The following BLOC1S3 variants were observed in gnomAD, a reference collection of about 807,000 sequenced individuals.
The protein encoded by BLOC1S3 is biogenesis of lysosome-related organelles complex 1 subunit 3.
BLOC1S3 carries 7 observed loss-of-function variants against 9.1 expected under a neutral mutation model. The ratio of observed to expected loss-of-function variants is 0.77; its 90% CI spans 0.44 to 1.45. The LOEUF is 1.45. Among genes scored for constraint, BLOC1S3 ranks in the 40% most tolerant of loss-of-function variants. The pLI is 0.01. For synonymous variants in BLOC1S3, 145 were observed against 158.4 expected, an observed-to-expected ratio of 0.92 and a Z score of 0.64; for missense variants, 307 against 315.2, an observed-to-expected ratio of 0.97 and a Z score of 0.20.
At chr19:45,203,251 C>T (rs1345614025) in intron 3 of BLOC1S3, among the ~76,000 whole-genome samples, 3 of 139,826 alleles carry the variant, frequency 2.1e-5, no homozygotes, top group Admixed American at 1.5e-4. Context: ...TGTGGCCTGA[C>T]TGCCTTTCAA....
At chr19:45,195,741 TG>T (rs762600811) in intron 2 of BLOC1S3, among the ~76,000 whole-genome samples, 59 of 152,026 alleles carry the variant, frequency 3.9e-4, no homozygotes, top group Non-Finnish European at 7.8e-4. Context: ...ACTATAGGTG[TG>T]CACCACCACG....
downstream of BLOC1S3, among the ~76,000 whole-genome samples, chr19:45,183,332 T>C (rs1969540767): frequency 1.3e-5 from 2 of 151,508 alleles, no homozygotes; most frequent in South Asian, 4.2e-4. Flanking sequence ...ATATAAAAAT[T>C]AGGCATGGTG....
chr19:45,207,555 CAAAAAAAAAAAAAAA>C (rs58164218), intron 3 of BLOC1S3, among the ~76,000 whole-genome samples: 6 of 64,748 alleles, frequency 9.3e-5, no homozygotes, highest in Non-Finnish European at 1.8e-4. Flanking sequence ...GACTCTGTCT[CAAAAAAAAAAAAAAA>C]AAAAAAAAAA....
chr19:45,202,895 C>G (rs888508213), intron 3 of BLOC1S3, among the ~76,000 whole-genome samples: 40 of 152,084 alleles, frequency 2.6e-4, no homozygotes, highest in African/African-American at 9.7e-4. Flanking sequence ...TCCTTCCTTT[C>G]AAGGCAGCGG....
chr19:45,201,971 C>T (rs1969694062), intron 2 of BLOC1S3, among the ~76,000 whole-genome samples: 1 of 151,994 alleles, frequency 6.6e-6, no homozygotes, highest in African/African-American at 2.4e-5. Context: ...CGCCTGTAAT[C>T]CCAGCACTTT....
rs936453191 is a variant in BLOC1S3 at position 45,211,245 on chromosome 19, C to G, written n.283-5431C>G. 3.9e-5 allele frequency among the ~76,000 whole-genome samples: 6 copies of G among 152,216 alleles called. No homozygotes were observed. The South Asian group carries it at 1.2e-3, about 32-fold the overall frequency. ...GGCACAGTGGCTCATGCCTGTCATC[C>G]CAGCACTTTGGGAGGCTGAGGCGGG... On this transcript the variant is annotated intron_variant and non_coding_transcript_variant, in intron 3 of 3. Transcript: ENST00000591569.
Position 45,180,125 on chromosome 19 carries a change from C to T in BLOC1S3, c.*220C>T. 1 of 498,480 alleles carries T rather than the reference C, an allele frequency of 2.0e-6. No individual in the cohort carries two copies. Among genetic ancestry groups the T allele is most frequent in the Non-Finnish European group, 3.5e-6 (1 of 282,958 alleles). The allele number at this position is 498,480 out of a possible 1,614,324, so 30.9% of individuals were successfully genotyped here. Reference sequence around the variant, plus strand: ...GCCCCACTATCCTTAGATCTGGTTCCTCTCCCGATCCTGACCCTGCCGCCT... The same window carrying T: ...GCCCCACTATCCTTAGATCTGGTTCTTCTCCCGATCCTGACCCTGCCGCCT... On this transcript the variant is annotated 3_prime_UTR_variant, in exon 2 of 2. Coordinates refer to ENST00000433642, the MANE Select transcript of BLOC1S3 (RefSeq NM_212550.5).
At chr19:45,215,873 C>T (rs1242649151) in intron 3 of BLOC1S3, among the ~76,000 whole-genome samples, 1 of 152,164 alleles carries the variant, frequency 6.6e-6, no homozygotes, top group Non-Finnish European at 1.5e-5. Flanking sequence ...GCCCTGGTGG[C>T]GGTGGCGGCG....
At chr19:45,200,992 G>A (rs1209976068) in intron 2 of BLOC1S3, among the ~76,000 whole-genome samples, 1 of 152,002 alleles carries the variant, frequency 6.6e-6, no homozygotes, top group Non-Finnish European at 1.5e-5. Flanking sequence ...ATCTGAGGTC[G>A]GGAGTTTGAG....
At chr19:45,212,312 CG>C (rs1568477924) in intron 3 of BLOC1S3, among the ~76,000 whole-genome samples, 1 of 152,220 alleles carries the variant, frequency 6.6e-6, no homozygotes, top group Non-Finnish European at 1.5e-5. Flanking sequence ...GCCACTGGCC[CG>C]GGGCCCTGCT....
chr19:45,194,177 A>T (rs1848974101), intron 2 of BLOC1S3, among the ~76,000 whole-genome samples: 1 of 118,700 alleles, frequency 8.4e-6, no homozygotes, highest in Non-Finnish European at 1.7e-5. Flanking sequence ...CAGTGGCACG[A>T]TCTCAGCTCA....
At chr19:45,201,944 CCAGGCATGG>C (rs1268695722) in intron 2 of BLOC1S3, among the ~76,000 whole-genome samples, 2 of 152,072 alleles carry the variant, frequency 1.3e-5, no homozygotes, top group Non-Finnish European at 2.9e-5. Flanking sequence ...TGCCTTTTGG[CCAGGCATGG>C]CAGCTCACGC....
At chr19:45,202,019 C>T (rs918863474) in intron 2 of BLOC1S3, among the ~76,000 whole-genome samples, 5 of 151,722 alleles carry the variant, frequency 3.3e-5, no homozygotes, top group African/African-American at 7.3e-5. Context: ...GTCAGGAGAT[C>T]GAGACCATCC....
chr19:45,208,953 A>G (rs73566292), intron 3 of BLOC1S3, among the ~76,000 whole-genome samples: 1,903 of 152,238 alleles, frequency 0.013, 43 homozygotes, highest in African/African-American at 0.043. Flanking sequence ...GAGGAAAAGG[A>G]GGACTGGGGA....
chr19:45,212,750 G>A (rs567303856), intron 3 of BLOC1S3: 12 of 244,628 alleles, frequency 4.9e-5, no homozygotes, highest in Non-Finnish European at 6.9e-5. Context: ...ACACACCACC[G>A]TGCCCAGCTA....
chr19:45,189,117 C>T (rs995510290), intron 2 of BLOC1S3, among the ~76,000 whole-genome samples: 4 of 151,956 alleles, frequency 2.6e-5, no homozygotes, highest in African/African-American at 9.7e-5. Context: ...GCTGTTCTTT[C>T]TAATTATTAT....
intron 2 of BLOC1S3, among the ~76,000 whole-genome samples, chr19:45,191,046 C>G (rs1003040744): frequency 4.6e-5 from 7 of 151,508 alleles, no homozygotes; most frequent in African/African-American, 1.5e-4. Context: ...ACCTCACGAT[C>G]CGCCCGCCTC....
chr19:45,188,040 T>TGA (rs1009915766), intron 2 of BLOC1S3, among the ~76,000 whole-genome samples: 1 of 152,090 alleles, frequency 6.6e-6, no homozygotes, highest in African/African-American at 2.4e-5. Flanking sequence ...CATTTTTTTT[T>TGA]GAGAGAGAGC....
chr19:45,191,093 C>CTGTG (rs1969604317), intron 2 of BLOC1S3, among the ~76,000 whole-genome samples: 1 of 151,198 alleles, frequency 6.6e-6, no homozygotes. Flanking sequence ...GCGTGAGCCA[C>CTGTG]CACACCCAGC....
Sources: gnomAD v4.1 joint callset for allele counts (sites outside exome capture counted in the v4.1 genomes callset) on GRCh38, gnomAD v4.1.1 for gene constraint, MANE v1.5 for transcripts, NCBI Gene and HGNC (gene_info 2026-07-23, HGNC 2026-07-21) for gene names.